Variants in SCUBE2 observed in about 807,000 individuals in gnomAD.
The protein encoded by SCUBE2 is signal peptide, CUB and EGF-like domain-containing protein 2.
A neutral mutation model predicts 125.9 loss-of-function variants in SCUBE2; 114 were observed. The ratio of observed to expected loss-of-function variants is 0.91; its 90% confidence interval spans 0.78 to 1.06. The LOEUF (loss-of-function observed/expected upper bound fraction) is 1.06, where lower values mean the gene tolerates loss of function less well. Among genes scored for constraint, SCUBE2 ranks in the 50% least tolerant of loss-of-function variants. The pLI, the probability that SCUBE2 is intolerant of heterozygous loss-of-function variation, is 0.00. For missense variants in SCUBE2, 1,255 were observed against 1,301.8 expected (o/e 0.96, Z 0.55); for synonymous variants, 459 against 492.9 (o/e 0.93, Z 0.91).
chr11:9,028,131 G>A (rs181074000), intron 19 of SCUBE2, among the ~76,000 whole-genome samples: 87 of 152,092 alleles, frequency 5.7e-4, no homozygotes, highest in Non-Finnish European at 1.1e-3. Context: ...GGCTCACTGC[G>A]CCCTTCACCT....
chr11:9,073,382 G>C (rs768071102), intron 4 of SCUBE2, among the ~76,000 whole-genome samples: 3 of 152,138 alleles, frequency 2.0e-5, no homozygotes, highest in Admixed American at 6.5e-5. Context: ...GGTGATGATA[G>C]CCATCAAACC....
In SCUBE2 at chr11:9,091,387, G is replaced by A. The variant is rs1862714692; in HGVS notation, c.133+9C>T. The A allele has an allele frequency of 9.1e-6, 12 of 1,312,650 alleles. No homozygotes were observed. The highest frequency in any genetic ancestry group is 1.2e-5 in the Non-Finnish European group (12 of 1,037,142). The allele number at this position is 1,312,650 out of a possible 1,614,324, so 81.3% of individuals were successfully genotyped here. On this transcript the variant is annotated intron_variant, in intron 1 of 22. Coordinates refer to ENST00000649792, the MANE Select transcript of SCUBE2 (RefSeq NM_001367977.2). The surrounding 1 kb of genome is among the most constrained non-coding windows in gnomAD (Gnocchi z 8.5). ...TGTGCCAGGTGCGCCCCCGCGGCCG[G>A]ACACTCACCCTCCTGCGGCCCCGCG...
chr11:9,065,045 G>A (rs1018224110), intron 7 of SCUBE2: 2 of 152,006 alleles, frequency 1.3e-5, no homozygotes, highest in African/African-American at 2.4e-5. Context: ...AGACTCAGTG[G>A]ACACAAAAAA....
At chr11:9,046,653 G>T (rs1857809197) in intron 16 of SCUBE2, among the ~76,000 whole-genome samples, 1 of 152,306 alleles carries the variant, frequency 6.6e-6, no homozygotes, top group Admixed American at 6.5e-5. Context: ...ACGGAAACTG[G>T]AACTCTTAGA....
intron 14 of SCUBE2, among the ~76,000 whole-genome samples, chr11:9,049,236 T>G (rs1179092968): frequency 6.6e-6 from 1 of 152,176 alleles, no homozygotes; most frequent in Non-Finnish European, 1.5e-5. Flanking sequence ...AGTCTATTTT[T>G]ATCATTGTAT....
rs766764062 is a variant in SCUBE2, at chr11:9,021,198, C to G, written c.2935-1G>C. On this transcript the variant is annotated splice_acceptor_variant, in intron 22 of 22. Coordinates refer to ENST00000649792, the MANE Select transcript of SCUBE2 (RefSeq NM_001367977.2). LOFTEE classifies it high-confidence loss of function. ...ACAGAGCCTTGATAAGTTTCTTATC[C>G]TAAAAAGAACAGAATTTTTGTTACT... The G allele has an allele frequency of 2.6e-6, 4 of 1,549,560 alleles. No individual in the cohort carries two copies. Among genetic ancestry groups the G allele is most frequent in the Non-Finnish European group, 3.5e-6 (4 of 1,150,202 alleles).
intron 7 of SCUBE2, among the ~76,000 whole-genome samples, chr11:9,062,302 A>T (rs1245313582): frequency 6.6e-6 from 1 of 152,256 alleles, no homozygotes; most frequent in Non-Finnish European, 1.5e-5. Flanking sequence ...GGATGCTAGC[A>T]GCCAAGCCTA....
intron 16 of SCUBE2, among the ~76,000 whole-genome samples, chr11:9,046,241 C>T (rs1857750937): frequency 6.6e-6 from 1 of 151,946 alleles, no homozygotes; most frequent in Non-Finnish European, 1.5e-5. Context: ...ATCTCCTGAC[C>T]TCGTGATCTG....
At chr11:9,030,272 G>T (rs1354106750) in intron 18 of SCUBE2, 1 of 567,140 alleles carries the variant, frequency 1.8e-6, no homozygotes, top group Non-Finnish European at 3.1e-6. Flanking sequence ...TATCTCCAAA[G>T]AGTTTATGGT....
Position 9,035,621 on chromosome 11 carries a change from G to A in SCUBE2, c.2003-1825C>T, listed in dbSNP as rs146698838. 5.9e-5 allele frequency among the ~76,000 whole-genome samples: 9 copies of A among 152,030 alleles called. No individual in the cohort carries two copies. The East Asian group carries it at 1.7e-3, about 29-fold the overall frequency. ...TCGGTTTTCATCCTATTCTACAAATGCAATTTGCATATATATTCTTAGGGT... is the reference window on the plus strand; with the variant it reads ...TCGGTTTTCATCCTATTCTACAAATACAATTTGCATATATATTCTTAGGGT... On this transcript the variant is annotated intron_variant, in intron 16 of 22. Transcript: ENST00000649792.
chr11:9,060,349 C>T (rs1325443751), intron 8 of SCUBE2, 59 bp downstream of exon 8: 9 of 1,294,838 alleles, frequency 7.0e-6, no homozygotes, highest in East Asian at 4.6e-5. Context: ...CATATGTTAG[C>T]GGCATGGGCC....
At position 9,064,238 on chromosome 11, in the gene SCUBE2, AG is replaced by A. The variant is rs566787216; in HGVS notation, c.850+1652del. Among the ~76,000 whole-genome samples, 449 of 152,270 alleles carry A rather than the reference AG, an allele frequency of 2.9e-3. 2 individuals are homozygous for A. Among genetic ancestry groups the A allele is most frequent in the Non-Finnish European group, 4.6e-3 (312 of 68,012 alleles). ...TCCAAACACTTTGGGAGGCCAAGGT[AG>A]GCAGATCGCTAGAGCCCAGGAGTTC... On this transcript the variant is annotated intron_variant, in intron 7 of 22. Coordinates refer to ENST00000649792, the MANE Select transcript of SCUBE2 (RefSeq NM_001367977.2).
chr11:9,038,741 A>C (rs1207652689), intron 16 of SCUBE2, among the ~76,000 whole-genome samples: 5 of 152,238 alleles, frequency 3.3e-5, no homozygotes, highest in Non-Finnish European at 7.3e-5. Context: ...TAGGGCAATA[A>C]GAGAGGAACT....
intron 16 of SCUBE2, among the ~76,000 whole-genome samples, chr11:9,044,460 G>A (rs1325739160): frequency 6.6e-6 from 1 of 152,022 alleles, no homozygotes; most frequent in Non-Finnish European, 1.5e-5. Flanking sequence ...TTGAACTCCT[G>A]GCCTGAAGTG....
At position 9,070,032 on chromosome 11, in the gene SCUBE2, C is replaced by T. The variant is rs146431038; in HGVS notation, c.518-537G>A. 2.4e-4 allele frequency among the ~76,000 whole-genome samples: 36 copies of T among 152,282 alleles called. No homozygotes were observed. In the East Asian group the frequency reaches 5.4e-3, roughly 23 times the overall value. On this transcript the variant is annotated intron_variant, in intron 4 of 22. Transcript: ENST00000649792. ...GCATCCTCGTACGGGCCACATGCCC[C>T]GGGATCTGTCTTCTGTGACCACCCT...
chr11:9,039,145 A>G (rs1453026821), intron 16 of SCUBE2, among the ~76,000 whole-genome samples: 2 of 149,366 alleles, frequency 1.3e-5, no homozygotes, highest in African/African-American at 5.1e-5. Context: ...AGCCTGATTT[A>G]TGTTTTTAAG....
chr11:9,065,860 G>A (rs563684242), intron 7 of SCUBE2, 31 bp downstream of exon 7: 2 of 1,589,024 alleles, frequency 1.3e-6, no homozygotes, highest in East Asian at 2.2e-5. Context: ...GACAATTGCA[G>A]TGGCCAAGGA....
rs1857903336 is a variant in SCUBE2, at chr11:9,047,459, C to T, written c.1899G>A (p.Gln633=). 1 of 1,614,026 alleles carries T rather than the reference C, an allele frequency of 6.2e-7. No homozygotes were observed. The highest frequency in any genetic ancestry group is 2.2e-5 in the East Asian group (1 of 44,866). The change falls in exon 16 of 23, where the codon CAG becomes CAA. Residue 633 remains glutamine, a synonymous_variant. Transcript: ENST00000649792. Reference sequence around the variant, plus strand: ...CCACGTCGAGGTTCATGCCTGAGAGCTGGAGGTGAAACTGCTCCCTGTGGA... The same window carrying T: ...CCACGTCGAGGTTCATGCCTGAGAGTTGGAGGTGAAACTGCTCCCTGTGGA... ...KAVHREQFHL[Q]LSGMNLDVAK...
At chr11:9,068,050 A>G (rs1226581709) in intron 5 of SCUBE2, among the ~76,000 whole-genome samples, 1 of 152,176 alleles carries the variant, frequency 6.6e-6, no homozygotes, top group African/African-American at 2.4e-5. Context: ...AGAGCATGTC[A>G]GAACCTGTTG....
Sources: gnomAD v4.1 joint callset for allele counts (sites outside exome capture counted in the v4.1 genomes callset) on GRCh38, gnomAD v4.1.1 for gene constraint, Gnocchi (gnomAD v3.1) non-coding constraint, MANE v1.5 for transcripts, NCBI Gene and HGNC (gene_info 2026-07-23, HGNC 2026-07-21) for gene names.